The following ADGRL2 variants were observed in gnomAD, a reference collection of about 807,000 sequenced individuals.
The protein encoded by ADGRL2 is adhesion G protein-coupled receptor L2, also known as calcium-independent alpha-latrotoxin receptor 2.
ADGRL2 carries 44 observed loss-of-function variants against 157.4 expected under a neutral mutation model. The ratio of observed to expected loss-of-function variants is 0.28; its 90% CI spans 0.22 to 0.36. The LOEUF (loss-of-function observed/expected upper bound fraction) is 0.36. ADGRL2 is among the 10% of genes least tolerant of loss of function. ADGRL2 has a pLI of 1.00. For synonymous variants in ADGRL2, 585 were observed against 624.7 expected (o/e 0.94, Z 0.95); for missense variants, 1,510 against 1,768.9 (o/e 0.85, Z 2.63).
At position 81,993,058 on chromosome 1, in the gene ADGRL2, C is replaced by CAG. The variant is rs1664821152; in HGVS notation, c.*1914_*1915insGA. 2.4e-5 allele frequency among the ~76,000 whole-genome samples: 1 copy of CAG among 40,848 alleles called. No homozygotes were observed. The highest frequency in any genetic ancestry group is 5.6e-4 in the East Asian group (1 of 1,788). The allele number at this position is 40,848 out of a possible 152,430, so 26.8% of individuals were successfully genotyped here. The stretch of plus-strand genomic sequence containing the variant: ...AAATTAAGTGCATATATATAATATA[C>CAG]ATATATATATATATATATATATATA... On this transcript the variant is annotated 3_prime_UTR_variant, in exon 24 of 24. Transcript: ENST00000686636.
intron 1 of ADGRL2, among the ~76,000 whole-genome samples, chr1:81,350,742 G>GT (rs1662820211): frequency 1.3e-5 from 2 of 152,078 alleles, no homozygotes; most frequent in African/African-American, 4.8e-5. Flanking sequence ...ACATTTTTTG[G>GT]TTTTTTACAT....
At chr1:81,393,464 A>G (rs543477896) in intron 1 of ADGRL2, among the ~76,000 whole-genome samples, 22 of 152,228 alleles carry the variant, frequency 1.4e-4, no homozygotes, top group Admixed American at 1.1e-3. Flanking sequence ...CTCTACAGCT[A>G]ACAGTTCCTG....
chr1:81,528,155 T>A (rs1313055386), intron 2 of ADGRL2, among the ~76,000 whole-genome samples: 1 of 152,240 alleles, frequency 6.6e-6, no homozygotes, highest in African/African-American at 2.4e-5. Context: ...CATCTTGATC[T>A]TCAACCTCCC....
intron 2 of ADGRL2, among the ~76,000 whole-genome samples, chr1:81,478,778 G>T (rs2078324773): frequency 6.6e-6 from 1 of 151,932 alleles, no homozygotes; most frequent in African/African-American, 2.4e-5. Flanking sequence ...AGCATTTTTG[G>T]TGATGCTTGT....
intron 1 of ADGRL2, among the ~76,000 whole-genome samples, chr1:81,827,141 G>A (rs991799620): frequency 3.3e-5 from 5 of 152,160 alleles, no homozygotes; most frequent in Non-Finnish European, 7.4e-5. Flanking sequence ...TGCATTTATT[G>A]TGACTTCATA....
intron 1 of ADGRL2, among the ~76,000 whole-genome samples, chr1:81,429,221 G>T (rs1378583469): frequency 1.3e-5 from 2 of 151,582 alleles, no homozygotes; most frequent in African/African-American, 4.9e-5. Flanking sequence ...CCACTTCCTG[G>T]TTAATAATTA....
chr1:81,495,868 G>A (rs924384758), intron 2 of ADGRL2, among the ~76,000 whole-genome samples: 1 of 152,096 alleles, frequency 6.6e-6, no homozygotes, highest in Non-Finnish European at 1.5e-5. Flanking sequence ...TTGTTCTCCT[G>A]TACAGTTTCT....
intron 2 of ADGRL2, among the ~76,000 whole-genome samples, chr1:81,563,568 G>A (rs2148463404): frequency 6.6e-6 from 1 of 152,120 alleles, no homozygotes; most frequent in African/African-American, 2.4e-5. Context: ...TATGTACTTT[G>A]GTGAGTTACA....
At chr1:81,887,705 G>A (rs926938859) in intron 2 of ADGRL2, among the ~76,000 whole-genome samples, 6 of 152,144 alleles carry the variant, frequency 3.9e-5, no homozygotes, top group African/African-American at 1.4e-4. Context: ...AATAGAATTT[G>A]TCACATGCAG....
intron 1 of ADGRL2, among the ~76,000 whole-genome samples, chr1:81,365,581 C>T (rs1021890038): frequency 6.6e-6 from 1 of 152,110 alleles, no homozygotes; most frequent in African/African-American, 2.4e-5. Flanking sequence ...AGTGAGACGA[C>T]AGTTTTGTGA....
chr1:81,627,671 A>G (rs1450615247), intron 3 of ADGRL2, among the ~76,000 whole-genome samples: 2 of 152,216 alleles, frequency 1.3e-5, no homozygotes, highest in Non-Finnish European at 2.9e-5. Context: ...TCTGAGTGGA[A>G]GCAGACTGAG....
At chr1:81,914,838 T>A (rs1166914260) in intron 3 of ADGRL2, among the ~76,000 whole-genome samples, 2 of 152,176 alleles carry the variant, frequency 1.3e-5, no homozygotes, top group African/African-American at 4.8e-5. Flanking sequence ...AAAGCTCTTA[T>A]TGGTATACCT....
intron 3 of ADGRL2, among the ~76,000 whole-genome samples, chr1:81,611,074 A>T (rs752450379): frequency 1.4e-4 from 22 of 152,232 alleles, no homozygotes; most frequent in Non-Finnish European, 2.1e-4. Context: ...CTAGAGGTAC[A>T]GTAAAGCCTT....
At chr1:81,724,894 C>T (rs1035957642) in intron 1 of ADGRL2, among the ~76,000 whole-genome samples, 6 of 152,192 alleles carry the variant, frequency 3.9e-5, no homozygotes, top group African/African-American at 1.4e-4. Context: ...GCTGATGGAG[C>T]ATGCTTTTAA....
intron 3 of ADGRL2, among the ~76,000 whole-genome samples, chr1:81,924,643 G>A (rs1421555649): frequency 3.9e-5 from 6 of 151,970 alleles, no homozygotes; most frequent in African/African-American, 9.7e-5. Context: ...ATATTAGATC[G>A]GTGATTTTTA....
At chr1:81,529,853 A>G (rs1479370702) in intron 2 of ADGRL2, among the ~76,000 whole-genome samples, 1 of 152,238 alleles carries the variant, frequency 6.6e-6, no homozygotes, top group African/African-American at 2.4e-5. Context: ...CACACCATAC[A>G]GGATTTACTG....
At chr1:81,397,311 T>C (rs1261888181) in intron 1 of ADGRL2, among the ~76,000 whole-genome samples, 2 of 133,334 alleles carry the variant, frequency 1.5e-5, no homozygotes, top group Non-Finnish European at 3.1e-5. Context: ...TTATAATGTC[T>C]CCTTTTTTTT....
At chr1:81,450,169 T>C (rs762370157) in intron 2 of ADGRL2, among the ~76,000 whole-genome samples, 1 of 152,162 alleles carries the variant, frequency 6.6e-6, no homozygotes, top group Non-Finnish European at 1.5e-5. Flanking sequence ...GCTCTAAGAA[T>C]AAACCATTTG....
At chr1:81,951,425 A>C (rs1651762233) in intron 8 of ADGRL2, among the ~76,000 whole-genome samples, 1 of 152,180 alleles carries the variant, frequency 6.6e-6, no homozygotes. Context: ...AATATCATTA[A>C]GTTTACAACT....
Sources: allele counts gnomAD v4.1 joint callset (sites outside exome capture counted in the v4.1 genomes callset), GRCh38; gene constraint gnomAD v4.1.1; transcripts MANE v1.5; gene names NCBI Gene and HGNC (gene_info 2026-07-23, HGNC 2026-07-21).